The following ELOVL6 variants were observed in gnomAD, a reference collection of about 807,000 sequenced individuals.
ELOVL6 encodes the protein very long chain fatty acid elongase 6.
ELOVL6 carries 8 observed loss-of-function variants against 31.7 expected under a neutral mutation model. That is an observed-to-expected ratio of 0.25 (90% CI 0.15 to 0.45). The LOEUF (loss-of-function observed/expected upper bound fraction) is 0.45. ELOVL6 is among the 20% of genes least tolerant of loss of function. The pLI is 1.00. For missense variants in ELOVL6, 126 were observed against 326.4 expected, an observed-to-expected ratio of 0.39 and a Z score of 4.73; for synonymous variants, 101 against 117.7, an observed-to-expected ratio of 0.86 and a Z score of 0.92.
At chr4:110,061,907 T>C (rs976612436) in intron 2 of ELOVL6, among the ~76,000 whole-genome samples, 4 of 152,220 alleles carry the variant, frequency 2.6e-5, no homozygotes, top group Non-Finnish European at 5.9e-5. Flanking sequence ...ATCCAAAGAA[T>C]GTATGCTTGA....
intron 2 of ELOVL6, among the ~76,000 whole-genome samples, chr4:110,081,620 G>T (rs1236832890): frequency 1.2e-4 from 18 of 150,900 alleles, no homozygotes; most frequent in African/African-American, 3.6e-4. Flanking sequence ...TTAAATGTTA[G>T]ACCTAAAACC....
chr4:110,115,440 G>T (rs955692535), intron 1 of ELOVL6, among the ~76,000 whole-genome samples: 2 of 152,072 alleles, frequency 1.3e-5, no homozygotes, highest in Non-Finnish European at 2.9e-5. Context: ...ATTTCATCTT[G>T]TTCTTAAAAA....
chr4:110,116,934 C>A (rs1757185265), intron 1 of ELOVL6, among the ~76,000 whole-genome samples: 1 of 152,160 alleles, frequency 6.6e-6, no homozygotes, highest in Non-Finnish European at 1.5e-5. Context: ...CTTGCTTCTT[C>A]TCCAACTTCA....
At chr4:110,105,353 T>G in intron 2 of ELOVL6, 144 bp downstream of exon 2, 1 of 867,076 alleles carries the variant, frequency 1.2e-6, no homozygotes, top group South Asian at 1.7e-5. Flanking sequence ...GTGAAGGCTT[T>G]CTTTCTGAAC....
At chr4:110,127,406 C>CA (rs572027886) in intron 1 of ELOVL6, among the ~76,000 whole-genome samples, 15,820 of 85,454 alleles carry the variant, frequency 0.19, 2,019 homozygotes, top group African/African-American at 0.33. Context: ...GATTCCGTCT[C>CA]AAAAAAAAAA....
At chr4:110,141,199 G>T (rs1371150711) in intron 1 of ELOVL6, among the ~76,000 whole-genome samples, 1 of 152,120 alleles carries the variant, frequency 6.6e-6, no homozygotes, top group Non-Finnish European at 1.5e-5. Context: ...AAGTAGCTGG[G>T]ACTACAGGCA....
At chr4:110,127,902 C>T (rs1219022041) in intron 1 of ELOVL6, among the ~76,000 whole-genome samples, 1 of 151,914 alleles carries the variant, frequency 6.6e-6, no homozygotes, top group Non-Finnish European at 1.5e-5. Context: ...ATCAGAAAAG[C>T]AGGGGACTAA....
intron 2 of ELOVL6, among the ~76,000 whole-genome samples, chr4:110,096,571 G>A (rs1184238830): frequency 6.6e-6 from 1 of 152,130 alleles, no homozygotes; most frequent in Non-Finnish European, 1.5e-5. Flanking sequence ...GGGGGTGGGT[G>A]GGGATCTGAG....
intron 2 of ELOVL6, among the ~76,000 whole-genome samples, chr4:110,074,038 TC>T (rs1044863972): frequency 5.9e-5 from 9 of 152,188 alleles, no homozygotes; most frequent in African/African-American, 2.2e-4. Context: ...AACTCCTTTG[TC>T]CTTCCTGGGG....
chr4:110,115,630 G>T (rs1463745515), intron 1 of ELOVL6, among the ~76,000 whole-genome samples: 3 of 152,108 alleles, frequency 2.0e-5, no homozygotes, highest in African/African-American at 7.2e-5. Flanking sequence ...TTTGACTGGG[G>T]CTTTCATACT....
intron 2 of ELOVL6, 102 bp from the exon 3 acceptor site, chr4:110,059,856 C>A (rs1755091378): frequency 2.2e-6 from 2 of 904,102 alleles, no homozygotes; most frequent in African/African-American, 1.7e-5. Flanking sequence ...AGGAAATAGG[C>A]ATAAGAATCA....
Position 110,049,084 on chromosome 4 carries a change from A to G in ELOVL6, c.*2254T>C, listed in dbSNP as rs61539771. 13 of 152,364 alleles carry G rather than the reference A, an allele frequency of 8.5e-5. 1 individual carries two copies. Among genetic ancestry groups the G allele is most frequent in the African/African-American group, 2.9e-4 (12 of 41,590 alleles). The allele number at this position is 152,364 out of a possible 1,614,324, so 9.4% of individuals were successfully genotyped here. On this transcript the variant is annotated 3_prime_UTR_variant, in exon 4 of 4. Transcript: ENST00000302274. The stretch of plus-strand genomic sequence containing the variant: ...TTCTCATTTTCTGTTATAAGGAAAA[A>G]AGGCTTATTGCACGGTATCATGTAT...
intron 1 of ELOVL6, among the ~76,000 whole-genome samples, chr4:110,147,603 A>G (rs766966382): frequency 1.3e-5 from 2 of 152,208 alleles, no homozygotes; most frequent in African/African-American, 2.4e-5. Context: ...ATGCCTGGGT[A>G]ACATGGTGAA....
chr4:110,198,368 C>T lies in ELOVL6; in HGVS notation c.-33G>A, dbSNP rs72900572. ...GATCTTCGGAGTCGCTACGTGTTCT[C>T]TATACAAAATAAAATAATCTGTAAA... is the stretch of plus-strand genomic sequence containing the variant. On this transcript the variant is annotated 5_prime_UTR_variant, in exon 1 of 4. Coordinates refer to ENST00000302274, the MANE Select transcript of ELOVL6 (RefSeq NM_024090.3). The T allele has an allele frequency of 1.1e-4, 137 of 1,292,096 alleles. No individual in the cohort carries two copies. The African/African-American group carries it at 1.8e-3, about 17-fold the overall frequency. 80.0% of individuals were successfully genotyped at this position (1,292,096 alleles called of 1,614,324 possible). A position where few individuals can be genotyped will look rare whatever the true frequency, so the allele number is the denominator to read the frequency against.
intron 1 of ELOVL6, among the ~76,000 whole-genome samples, chr4:110,121,224 T>C (rs1309748847): frequency 6.6e-6 from 1 of 152,210 alleles, no homozygotes; most frequent in Non-Finnish European, 1.5e-5. Context: ...ACTGATTTTG[T>C]CTTTGGAAAA....
intron 1 of ELOVL6, among the ~76,000 whole-genome samples, chr4:110,188,604 T>C (rs78563565): frequency 0.038 from 5,770 of 152,160 alleles, 143 homozygotes; most frequent in Middle Eastern, 0.095. Context: ...ACGTAAAACA[T>C]TGGCCAGGCG....
intron 1 of ELOVL6, among the ~76,000 whole-genome samples, chr4:110,128,693 G>A (rs1757582278): frequency 1.3e-5 from 2 of 152,284 alleles, no homozygotes; most frequent in South Asian, 4.2e-4. Flanking sequence ...ACTTATCTGT[G>A]AGCGTAGGGG....
intron 3 of ELOVL6, among the ~76,000 whole-genome samples, chr4:110,054,270 T>A (rs1754916569): frequency 6.6e-6 from 1 of 152,188 alleles, no homozygotes; most frequent in Non-Finnish European, 1.5e-5. Context: ...ATGGTAACCC[T>A]CATACATATA....
chr4:110,063,601 T>C (rs2126223905), intron 2 of ELOVL6, among the ~76,000 whole-genome samples: 2 of 152,318 alleles, frequency 1.3e-5, no homozygotes, highest in Middle Eastern at 6.8e-3. Flanking sequence ...GAAAAGCTTC[T>C]GTTTCAAGTG....
Sources: gnomAD v4.1 joint callset for allele counts (sites outside exome capture counted in the v4.1 genomes callset) on GRCh38, gnomAD v4.1.1 for gene constraint, MANE v1.5 for transcripts, NCBI Gene and HGNC (gene_info 2026-07-23, HGNC 2026-07-21) for gene names.